The following IGF1R variants were observed in gnomAD, a reference collection of about 807,000 sequenced individuals.
The protein encoded by IGF1R is insulin-like growth factor 1 receptor.
Under a neutral mutation model 144.6 loss-of-function variants are expected in IGF1R, and 44 were observed. The ratio of observed to expected loss-of-function variants is 0.30; its 90% confidence interval spans 0.24 to 0.39. IGF1R has a LOEUF of 0.39. Ranked by LOEUF, IGF1R falls within the 10% of genes least tolerant of loss-of-function variation. The probability of loss-of-function intolerance (pLI) is 1.00; values close to 1 mark genes in which losing one functional copy is unlikely to be tolerated. For synonymous variants in IGF1R, 795 were observed against 722.8 expected, an observed-to-expected ratio of 1.10 and a Z score of -1.60; for missense variants, 1,355 against 1,833.7, an observed-to-expected ratio of 0.74 and a Z score of 4.77.
intron 2 of IGF1R, among the ~76,000 whole-genome samples, chr15:98,708,415 C>T (rs2053917907): frequency 6.6e-6 from 1 of 152,210 alleles, no homozygotes; most frequent in Non-Finnish European, 1.5e-5. Flanking sequence ...ACTTGCTGAC[C>T]TTCAGCTTTG....
chr15:98,746,714 T>G (rs935964415), intron 2 of IGF1R, among the ~76,000 whole-genome samples: 19 of 152,236 alleles, frequency 1.2e-4, no homozygotes, highest in African/African-American at 4.6e-4. Context: ...GCTGATTAAA[T>G]TTCCCCTTGG....
At chr15:98,923,693 G>A (rs147895798) in intron 11 of IGF1R, 183 bp from the exon 12 acceptor site, 291 of 613,748 alleles carry the variant, frequency 4.7e-4, no homozygotes, top group Non-Finnish European at 7.5e-4. Flanking sequence ...CCGCTCAGGG[G>A]CAGTGTACGT....
At chr15:98,769,131 A>G (rs1046142319) in intron 2 of IGF1R, among the ~76,000 whole-genome samples, 3 of 152,248 alleles carry the variant, frequency 2.0e-5, no homozygotes, top group Admixed American at 6.5e-5. Flanking sequence ...GTGTATAAAT[A>G]TGTATTTCTT....
chr15:98,829,023 A>G (rs2056952890), intron 2 of IGF1R, among the ~76,000 whole-genome samples: 1 of 152,134 alleles, frequency 6.6e-6, no homozygotes, highest in Non-Finnish European at 1.5e-5. Context: ...CTAATTCATT[A>G]AAAAAGTCCC....
At chr15:98,656,848 T>A (rs1011721747) in intron 1 of IGF1R, among the ~76,000 whole-genome samples, 2 of 152,242 alleles carry the variant, frequency 1.3e-5, no homozygotes, top group Non-Finnish European at 1.5e-5. Flanking sequence ...ACATTGTTGT[T>A]GCTGTTTTGT....
intron 1 of IGF1R, among the ~76,000 whole-genome samples, chr15:98,657,655 G>A (rs947395261): frequency 2.0e-5 from 3 of 152,184 alleles, no homozygotes; most frequent in Non-Finnish European, 2.9e-5. Flanking sequence ...CATATGTTAG[G>A]TCACAACATG....
intron 2 of IGF1R, among the ~76,000 whole-genome samples, chr15:98,749,746 T>C (rs1461875965): frequency 6.6e-6 from 1 of 152,252 alleles, no homozygotes; most frequent in Non-Finnish European, 1.5e-5. Context: ...AGATTCGATT[T>C]GGCTGCTGCT....
At chr15:98,952,292 AG>A (rs761870652) in intron 20 of IGF1R, among the ~76,000 whole-genome samples, 171 of 125,056 alleles carry the variant, frequency 1.4e-3, no homozygotes, top group Non-Finnish European at 2.5e-3. Context: ...GCTACCCCCC[AG>A]TACCCCACCA....
intron 1 of IGF1R, among the ~76,000 whole-genome samples, chr15:98,663,752 G>C (rs561143599): frequency 6.6e-6 from 1 of 152,240 alleles, no homozygotes; most frequent in Admixed American, 6.5e-5. Context: ...CCGAGGCTGG[G>C]AGAGGGCGGT....
At chr15:98,664,274 T>C (rs1032658893) in intron 1 of IGF1R, among the ~76,000 whole-genome samples, 1 of 152,244 alleles carries the variant, frequency 6.6e-6, no homozygotes, top group Admixed American at 6.5e-5. Context: ...CCCTCTGAGA[T>C]GAGGGTTGGA....
intron 2 of IGF1R, among the ~76,000 whole-genome samples, chr15:98,817,376 A>G (rs967855704): frequency 2.0e-5 from 3 of 152,014 alleles, no homozygotes; most frequent in Non-Finnish European, 4.4e-5. Context: ...TAGGATGCAC[A>G]GTAAAGAGAA....
At chr15:98,747,895 G>A (rs2054908949) in intron 2 of IGF1R, among the ~76,000 whole-genome samples, 1 of 152,142 alleles carries the variant, frequency 6.6e-6, no homozygotes, top group South Asian at 2.1e-4. Flanking sequence ...ATCACCTATA[G>A]CATTAGTATA....
intron 2 of IGF1R, among the ~76,000 whole-genome samples, chr15:98,865,184 A>C (rs1421869002): frequency 6.6e-6 from 1 of 152,254 alleles, no homozygotes; most frequent in African/African-American, 2.4e-5. Context: ...AGACGGGCAC[A>C]GAATTCACAA....
chr15:98,664,427 G>A (rs2052677231), intron 1 of IGF1R, among the ~76,000 whole-genome samples: 2 of 152,272 alleles, frequency 1.3e-5, no homozygotes, highest in South Asian at 2.1e-4. Flanking sequence ...CACTTTGGGA[G>A]GCCGAGGTGA....
At chr15:98,803,924 G>A (rs1399120875) in intron 2 of IGF1R, among the ~76,000 whole-genome samples, 7 of 152,148 alleles carry the variant, frequency 4.6e-5, no homozygotes, top group Non-Finnish European at 8.8e-5. Context: ...TATGTACTGT[G>A]CACTGTTGTA....
chr15:98,882,405 G>A (rs1260356046), intron 2 of IGF1R, among the ~76,000 whole-genome samples: 2 of 152,222 alleles, frequency 1.3e-5, no homozygotes, highest in Non-Finnish European at 2.9e-5. Flanking sequence ...AGCTCCCTTG[G>A]ACTTTGTTTG....
At chr15:98,852,991 C>T (rs1237249921) in intron 2 of IGF1R, among the ~76,000 whole-genome samples, 2 of 152,160 alleles carry the variant, frequency 1.3e-5, no homozygotes, top group African/African-American at 4.8e-5. Flanking sequence ...TCTACAAATG[C>T]CGCCCTTCCT....
intron 2 of IGF1R, among the ~76,000 whole-genome samples, chr15:98,829,584 C>G (rs1158919192): frequency 6.6e-6 from 1 of 152,162 alleles, no homozygotes; most frequent in Non-Finnish European, 1.5e-5. Context: ...TTTAACATTT[C>G]TATTTAGCAT....
chr15:98,936,500 C>T (rs1033506573), intron 17 of IGF1R, among the ~76,000 whole-genome samples: 2 of 152,038 alleles, frequency 1.3e-5, no homozygotes, highest in Admixed American at 1.3e-4. Context: ...AGTCTTTGAC[C>T]CTTACTTTGC....
Sources: allele counts gnomAD v4.1 joint callset (sites outside exome capture counted in the v4.1 genomes callset), GRCh38; gene constraint gnomAD v4.1.1; transcripts MANE v1.5; gene names NCBI Gene and HGNC (gene_info 2026-07-23, HGNC 2026-07-21).